Variants in OR10G2 observed in about 807,000 individuals in gnomAD.
The protein encoded by OR10G2 is olfactory receptor family 10 subfamily G member 2.
For synonymous variants in OR10G2, 147 were observed against 164.2 expected (o/e 0.90, Z 0.80); for missense variants, 396 against 387.6 (o/e 1.02, Z -0.18).
rs1441277485 is a variant in OR10G2 at position 21,634,617 on chromosome 14, T to G, written c.226A>C (p.Met76Leu). 6.2e-7 allele frequency: 1 copy of G among 1,614,078 alleles called. No individual in the cohort carries two copies. The highest frequency in any genetic ancestry group is 1.1e-5 in the South Asian group (1 of 91,080). Residue 76 changes from methionine to leucine, a missense_variant, in exon 1 of 1, where the codon ATG becomes CTG. By Grantham distance (15) the Met-to-Leu change is conservative (BLOSUM62 2). Coordinates refer to ENST00000542433, the MANE Select transcript of OR10G2 (RefSeq NM_001005466.2). ...GGAACGGTGACTGAGGAGAGCCACA[T>G]GTCCAGGAATGAGAGCACTCCCAGA... ...ILLGVLSFLD[M>L]WLSSVTVPLL...
rs750094846 is a variant in OR10G2, at chr14:21,634,334, C to A, written c.509G>T (p.Arg170Leu). 1 of 1,614,136 alleles carries A rather than the reference C, an allele frequency of 6.2e-7. No individual in the cohort carries two copies. The highest frequency in any genetic ancestry group is 1.7e-5 in the Admixed American group (1 of 60,018). Residue 170 changes from arginine to leucine, a missense_variant, in exon 1 of 1, where the codon CGC becomes CTC. Coordinates refer to ENST00000542433, the MANE Select transcript of OR10G2 (RefSeq NM_001005466.2). ...HGSIQATLTF[R>L]LPYCGPNQVD... ...CTGATTGGGCCCACAGTAGGGCAGGCGGAAGGTCAAGGTGGCCTGGATAGA... is the reference window on the plus strand; with the variant it reads ...CTGATTGGGCCCACAGTAGGGCAGGAGGAAGGTCAAGGTGGCCTGGATAGA...
chr14:21,634,042 A>C lies in OR10G2; in HGVS notation c.801T>G (p.Ala267=), dbSNP rs1406197494. 5.6e-6 allele frequency: 9 copies of C among 1,614,114 alleles called. No individual in the cohort carries two copies. The highest frequency in any genetic ancestry group is 7.6e-6 in the Non-Finnish European group (9 of 1,180,048). ...YVPCIFIYLR[A]GSKDPLDGAA... is the part of the protein sequence containing the mutation. Reference sequence around the variant, plus strand: ...CCCCATCCAGGGGGTCTTTGGAGCCAGCCCTAAGGTAGATGAAAATACAGG... The same window carrying C: ...CCCCATCCAGGGGGTCTTTGGAGCCCGCCCTAAGGTAGATGAAAATACAGG... Residue 267 remains alanine (A), a synonymous_variant, in exon 1 of 1, where the codon GCT becomes GCG. Transcript: ENST00000542433.
At position 21,634,074 on chromosome 14, in the gene OR10G2, A is replaced by G. The variant is rs1046639030; in HGVS notation, c.769T>C (p.Tyr257His). ...GSHLIVVTVY[Y>H]VPCIFIYLRA... ...AGGTAGATGAAAATACAGGGGACAT[A>G]GTAGACTGTGACCACGATTAGGTGG... Residue 257 changes from tyrosine to histidine, a missense_variant, in exon 1 of 1, where the codon TAT becomes CAT. Coordinates refer to ENST00000542433, the MANE Select transcript of OR10G2 (RefSeq NM_001005466.2). 3 of 1,614,042 alleles carry G rather than the reference A, an allele frequency of 1.9e-6. No individual in the cohort carries two copies. Among genetic ancestry groups the G allele is most frequent in the Non-Finnish European group, 1.7e-6 (2 of 1,179,992 alleles).
In OR10G2 at chr14:21,634,813, A is replaced by C. The variant is rs759669177; in HGVS notation, c.30T>G (p.Asp10Glu). Residue 10 changes from aspartate to glutamate, a missense_variant, in exon 1 of 1, where the codon GAT becomes GAG. Transcript: ENST00000542433. ...GAAGAATGAAATCTGTCACCACGGC[A>C]TCCAGCGATGTGTTTTTGGTCTTTC... MGKTKNTSL[D>E]AVVTDFILLG... The C allele has an allele frequency of 3.7e-6, 6 of 1,612,508 alleles. No homozygotes were observed. Among genetic ancestry groups the C allele is most frequent in the Non-Finnish European group, 4.2e-6 (5 of 1,179,426 alleles).
Position 21,634,567 on chromosome 14 carries a change from A to C in OR10G2, c.276T>G (p.Pro92=). 1 of 1,614,178 alleles carries C rather than the reference A, an allele frequency of 6.2e-7. No individual in the cohort carries two copies. ...TVPLLILDFT[P]SIKAIPFGGC... ...CACCAAACGGGATAGCCTTGATGGAAGGAGTAAAATCCAAAATAAGCAGAG... is the reference window on the plus strand; with the variant it reads ...CACCAAACGGGATAGCCTTGATGGACGGAGTAAAATCCAAAATAAGCAGAG... The change falls in exon 1 of 1, where the codon CCT becomes CCG. Residue 92 remains proline (P), a synonymous_variant. Coordinates refer to ENST00000542433, the MANE Select transcript of OR10G2 (RefSeq NM_001005466.2).
At position 21,634,929 on chromosome 14, in the gene OR10G2, A is replaced by G; in HGVS notation, c.-87T>C. On this transcript the variant is annotated 5_prime_UTR_variant, in exon 1 of 1. Transcript: ENST00000542433. ...TGTTGTAAGTGAATGCTTTTGTCGG[A>G]TGATTGATGCCTAGGAATTATGAGA... The G allele has an allele frequency of 9.5e-7, 1 of 1,048,618 alleles. No individual in the cohort carries two copies. The highest frequency in any genetic ancestry group is 1.4e-6 in the Non-Finnish European group (1 of 712,742). The allele number at this position is 1,048,618 out of a possible 1,614,324, so 65.0% of individuals were successfully genotyped here.
In OR10G2 at chr14:21,633,985, T is replaced by C. The variant is rs61748282; in HGVS notation, c.858A>G (p.Pro286=). The C allele has an allele frequency of 8.5e-4, 1,368 of 1,614,062 alleles. 7 individuals are homozygous for C. The African/African-American group carries it at 0.014, about 17-fold the overall frequency. ...GTGTATAGATGAGGGGGTTCAGTAA[T>C]GGAGTGACAACAGTGTAAAACACAG... ...AAAVFYTVVT[P]LLNPLIYTLR... The change falls in exon 1 of 1, where the codon CCA becomes CCG. Residue 286 remains proline, a synonymous_variant. Transcript: ENST00000542433.
Position 21,634,077 on chromosome 14 carries a change from A to T in OR10G2, c.766T>A (p.Tyr256Asn). 1 of 1,614,146 alleles carries T rather than the reference A, an allele frequency of 6.2e-7. No individual in the cohort carries two copies. Among genetic ancestry groups the T allele is most frequent in the Non-Finnish European group, 8.5e-7 (1 of 1,179,976 alleles). Residue 256 changes from tyrosine (Y) to asparagine (N), a missense_variant, in exon 1 of 1, where the codon TAC becomes AAC. Transcript: ENST00000542433. ...CGSHLIVVTV[Y>N]YVPCIFIYLR... ...TAGATGAAAATACAGGGGACATAGT[A>T]GACTGTGACCACGATTAGGTGGGAG...
Position 21,634,029 on chromosome 14 carries a change from G to T in OR10G2, c.814C>A (p.Pro272Thr). The T allele has an allele frequency of 1.9e-6, 3 of 1,614,158 alleles. No homozygotes were observed. The highest frequency in any genetic ancestry group is 2.5e-6 in the Non-Finnish European group (3 of 1,180,022). Residue 272 changes from proline to threonine, a missense_variant, in exon 1 of 1, where the codon CCC becomes ACC. Coordinates refer to ENST00000542433, the MANE Select transcript of OR10G2 (RefSeq NM_001005466.2). ...FIYLRAGSKD[P>T]LDGAAAVFYT... is the part of the protein sequence containing the mutation. ...AACACAGCCGCTGCCCCATCCAGGGGGTCTTTGGAGCCAGCCCTAAGGTAG... is the reference window on the plus strand; with the variant it reads ...AACACAGCCGCTGCCCCATCCAGGGTGTCTTTGGAGCCAGCCCTAAGGTAG...
chr14:21,633,856 A>G lies in OR10G2; in HGVS notation c.*54T>C. On this transcript the variant is annotated 3_prime_UTR_variant, in exon 1 of 1. Coordinates refer to ENST00000542433, the MANE Select transcript of OR10G2 (RefSeq NM_001005466.2). ...ATTTGTCACATGCAGCAGTAGCTGA[A>G]GAGAGTGGCAGTGATAATGATGCAG... 8.0e-7 allele frequency: 1 copy of G among 1,250,082 alleles called. No individual in the cohort carries two copies. Among genetic ancestry groups the G allele is most frequent in the Non-Finnish European group, 1.1e-6 (1 of 885,962 alleles). 77.4% of individuals were successfully genotyped at this position (1,250,082 alleles called of 1,614,324 possible). A position where few individuals can be genotyped will look rare whatever the true frequency, so the allele number is the denominator to read the frequency against.
chr14:21,634,584 T>C lies in OR10G2; in HGVS notation c.259A>G (p.Ile87Val). The change falls in exon 1 of 1, where the codon ATT becomes GTT. Residue 87 changes from isoleucine to valine, a missense_variant. Transcript: ENST00000542433. ...TTGATGGAAGGAGTAAAATCCAAAA[T>C]AAGCAGAGGAACGGTGACTGAGGAG... Reference protein sequence around the residue: ...WLSSVTVPLLILDFTPSIKAI... With the variant: ...WLSSVTVPLLVLDFTPSIKAI... The C allele has an allele frequency of 6.2e-7, 1 of 1,613,972 alleles. No individual in the cohort carries two copies. The highest frequency in any genetic ancestry group is 8.5e-7 in the Non-Finnish European group (1 of 1,179,978).
rs1878593641 is a variant in OR10G2, at chr14:21,634,141, G to A, written c.702C>T (p.Arg234=). ...AGGCCCGGCGCCTCCCATCAGTGGT[G>A]CGTATCTTCAGGATGGCATTTACTA... ...ANIVNAILKI[R]TTDGRRRAFS... The change falls in exon 1 of 1, where the codon CGC becomes CGT. Residue 234 remains arginine (R), a synonymous_variant. Transcript: ENST00000542433. 4 of 1,613,750 alleles carry A rather than the reference G, an allele frequency of 2.5e-6. No homozygotes were observed. In the East Asian group the frequency reaches 6.7e-5, roughly 27 times the overall value.
At position 21,634,357 on chromosome 14, in the gene OR10G2, A is replaced by G. The variant is rs144263796; in HGVS notation, c.486T>C (p.Ser162=). 1 of 1,614,254 alleles carries G rather than the reference A, an allele frequency of 6.2e-7. No individual in the cohort carries two copies. Among genetic ancestry groups the G allele is most frequent in the Non-Finnish European group, 8.5e-7 (1 of 1,180,050 alleles). The change falls in exon 1 of 1, where the codon TCT becomes TCC. Residue 162 remains serine (S), a synonymous_variant. Transcript: ENST00000542433. ...GGCGGAAGGTCAAGGTGGCCTGGATAGACCCATGCATGGAGCCGGCGACCC... is the reference window on the plus strand; with the variant it reads ...GGCGGAAGGTCAAGGTGGCCTGGATGGACCCATGCATGGAGCCGGCGACCC... The part of the protein sequence containing the change: ...GAWVAGSMHG[S]IQATLTFRLP...
Position 21,633,987 on chromosome 14 carries a change from G to A in OR10G2, c.856C>T (p.Pro286Ser). The A allele has an allele frequency of 6.2e-7, 1 of 1,614,054 alleles. No homozygotes were observed. The highest frequency in any genetic ancestry group is 8.5e-7 in the Non-Finnish European group (1 of 1,179,974). The stretch of plus-strand genomic sequence containing the variant: ...GTATAGATGAGGGGGTTCAGTAATG[G>A]AGTGACAACAGTGTAAAACACAGCC... ...AAAVFYTVVT[P>S]LLNPLIYTLR... The change falls in exon 1 of 1, where the codon CCA becomes TCA. Residue 286 changes from proline to serine, a missense_variant. Physicochemically the swap from Pro to Ser is moderately conservative, Grantham distance 74. Coordinates refer to ENST00000542433, the MANE Select transcript of OR10G2 (RefSeq NM_001005466.2).
Position 21,634,268 on chromosome 14 carries a change from A to T in OR10G2, c.575T>A (p.Leu192Gln). The T allele has an allele frequency of 6.2e-7, 1 of 1,614,232 alleles. No homozygotes were observed. The highest frequency in any genetic ancestry group is 8.5e-7 in the Non-Finnish European group (1 of 1,180,032). The change falls in exon 1 of 1, where the codon CTG (leucine) becomes CAG (glutamine). Residue 192 changes from leucine (L) to glutamine (Q), a missense_variant. Physicochemically the swap from Leu to Gln is moderately radical, Grantham distance 113. Coordinates refer to ENST00000542433, the MANE Select transcript of OR10G2 (RefSeq NM_001005466.2). ...ATTGACAGTTGTGTCAGCACAGGCC[A>T]GTCTCAATACTGCGGGGATGTCACA... Reference protein sequence around the residue: ...FICDIPAVLRLACADTTVNEL... With the variant: ...FICDIPAVLRQACADTTVNEL...
rs1238294794 is a variant in OR10G2 at position 21,634,801 on chromosome 14, T to G, written c.42A>C (p.Thr14=). Residue 14 remains threonine (T), a synonymous_variant, in exon 1 of 1, where the codon ACA becomes ACC. Transcript: ENST00000542433. ...GAGACAAACCCAGAAGAATGAAATCTGTCACCACGGCATCCAGCGATGTGT... is the reference window on the plus strand; with the variant it reads ...GAGACAAACCCAGAAGAATGAAATCGGTCACCACGGCATCCAGCGATGTGT... ...TKNTSLDAVV[T]DFILLGLSHP... 6.2e-7 allele frequency: 1 copy of G among 1,613,646 alleles called. No homozygotes were observed. The highest frequency in any genetic ancestry group is 1.1e-5 in the South Asian group (1 of 91,014).
Position 21,634,286 on chromosome 14 carries a change from A to C in OR10G2, c.557T>G (p.Ile186Ser), listed in dbSNP as rs1878606640. ...ACAGGCCAGTCTCAATACTGCGGGG[A>C]TGTCACAGATAAAGTAATCCACCTG... is the stretch of plus-strand genomic sequence containing the variant. ...PNQVDYFICDIPAVLRLACAD... is the reference protein window; with the variant it reads ...PNQVDYFICDSPAVLRLACAD... Residue 186 changes from isoleucine to serine, a missense_variant, in exon 1 of 1, where the codon ATC (isoleucine) becomes AGC (serine). Physicochemically the swap from Ile to Ser is moderately radical, Grantham distance 142 (BLOSUM62 -2). Transcript: ENST00000542433. 1 of 1,614,044 alleles carries C rather than the reference A, an allele frequency of 6.2e-7. No individual in the cohort carries two copies. The highest frequency in any genetic ancestry group is 8.5e-7 in the Non-Finnish European group (1 of 1,180,024).
Position 21,634,013 on chromosome 14 carries a change from G to T in OR10G2, c.830C>A (p.Ala277Glu). The part of the protein sequence containing the change: ...AGSKDPLDGA[A>E]AVFYTVVTPL... The stretch of plus-strand genomic sequence containing the variant: ...AGTGACAACAGTGTAAAACACAGCC[G>T]CTGCCCCATCCAGGGGGTCTTTGGA... The change falls in exon 1 of 1, where the codon GCG becomes GAG. Residue 277 changes from alanine to glutamate, a missense_variant. Coordinates refer to ENST00000542433, the MANE Select transcript of OR10G2 (RefSeq NM_001005466.2). The T allele has an allele frequency of 6.2e-7, 1 of 1,614,096 alleles. No individual in the cohort carries two copies. The highest frequency in any genetic ancestry group is 1.7e-5 in the Admixed American group (1 of 60,022).
chr14:21,634,851 G>A lies in OR10G2; in HGVS notation c.-9C>T, dbSNP rs41301457. 113,665 of 1,590,878 alleles carry A rather than the reference G, an allele frequency of 0.071. 4,727 individuals are homozygous for A. The highest frequency in any genetic ancestry group is 0.084 in the Non-Finnish European group (97,983 of 1,169,314). Reference sequence around the variant, plus strand: ...TTTTTGGTCTTTCCCATGTCTTTTTGTAGTCTGCTAAGATGAATGGTGACG... The same window carrying A: ...TTTTTGGTCTTTCCCATGTCTTTTTATAGTCTGCTAAGATGAATGGTGACG... On this transcript the variant is annotated 5_prime_UTR_variant, in exon 1 of 1. Coordinates refer to ENST00000542433, the MANE Select transcript of OR10G2 (RefSeq NM_001005466.2).
Sources: gnomAD v4.1 joint callset for allele counts on GRCh38, gnomAD v4.1.1 for gene constraint, MANE v1.5 for transcripts, NCBI Gene and HGNC (gene_info 2026-07-23, HGNC 2026-07-21) for gene names.